The following UBE2F variants were observed in gnomAD, a reference collection of about 807,000 sequenced individuals.
The protein encoded by UBE2F is NEDD8-conjugating enzyme UBE2F.
Under a neutral mutation model 29.6 loss-of-function variants are expected in UBE2F, and 5 were observed. The observed-to-expected ratio is 0.17, with a 90% CI of 0.09 to 0.36. The LOEUF is 0.36. UBE2F is among the 10% of genes least tolerant of loss of function. The pLI, the probability that UBE2F is intolerant of heterozygous loss-of-function variation, is 1.00. For synonymous variants in UBE2F, 66 were observed against 81.8 expected, an observed-to-expected ratio of 0.81 and a Z score of 1.04; for missense variants, 141 against 228.5, an observed-to-expected ratio of 0.62 and a Z score of 2.47.
rs1469831130 is a variant in UBE2F at position 237,977,718 on chromosome 2, T to A, written c.118+4493T>A. Among the ~76,000 whole-genome samples, 3 of 152,006 alleles carry A rather than the reference T, an allele frequency of 2.0e-5. No homozygotes were observed. The East Asian group carries it at 5.8e-4, about 29-fold the overall frequency. On this transcript the variant is annotated intron_variant, in intron 2 of 9. Transcript: ENST00000272930. ...ACTTTGAGGGGTGATAAAGTGAGAA[T>A]CCTTTCCAGGTGAAATCCAAACTCC... is the stretch of plus-strand genomic sequence containing the variant.
chr2:238,037,959 G>A (rs553464859), intron 9 of UBE2F, among the ~76,000 whole-genome samples: 24 of 152,282 alleles, frequency 1.6e-4, no homozygotes, highest in African/African-American at 5.8e-4. Flanking sequence ...AATGTTTAGC[G>A]CCTTGGCTTC....
intron 4 of UBE2F, among the ~76,000 whole-genome samples, chr2:238,007,197 C>A (rs1487885244): frequency 1.3e-5 from 2 of 152,206 alleles, no homozygotes; most frequent in African/African-American, 2.4e-5. Context: ...TCTCAGCTCA[C>A]TGCATTCTCT....
intron 5 of UBE2F, among the ~76,000 whole-genome samples, chr2:238,016,957 T>C (rs996965875): frequency 6.6e-6 from 1 of 152,244 alleles, no homozygotes; most frequent in African/African-American, 2.4e-5. Context: ...GTTCATGATA[T>C]AACACCAAAA....
intron 3 of UBE2F, among the ~76,000 whole-genome samples, chr2:237,988,413 A>G: frequency 6.6e-6 from 1 of 150,392 alleles, no homozygotes; most frequent in Admixed American, 6.7e-5. Flanking sequence ...AGGCCACTGC[A>G]CTCCAACCTG....
chr2:238,038,024 G>T (rs2064755841), intron 9 of UBE2F, among the ~76,000 whole-genome samples: 1 of 152,334 alleles, frequency 6.6e-6, no homozygotes, highest in African/African-American at 2.4e-5. Flanking sequence ...CATTTGAAAT[G>T]TGCCCTGCCA....
Position 238,016,685 on chromosome 2 carries a change from G to A in UBE2F, c.282+52G>A, listed in dbSNP as rs1046753371. 12 of 1,539,834 alleles carry A rather than the reference G, an allele frequency of 7.8e-6. No individual in the cohort carries two copies. The African/African-American group carries it at 8.2e-5, about 11-fold the overall frequency. On this transcript the variant is annotated intron_variant, in intron 5 of 9. Coordinates refer to ENST00000272930, the MANE Select transcript of UBE2F (RefSeq NM_080678.3). ...TTTTACTTCTCGGGCGGGGCTGCCT[G>A]TGGCTGTGGCCCGCCACTGGCACAG...
chr2:238,001,477 A>G (rs2063792128), intron 4 of UBE2F, among the ~76,000 whole-genome samples: 3 of 152,132 alleles, frequency 2.0e-5, no homozygotes, highest in Admixed American at 2.0e-4. Context: ...CTAGATTATA[A>G]ATCTTATATA....
chr2:237,990,712 G>C (rs1396232220), intron 3 of UBE2F, among the ~76,000 whole-genome samples: 2 of 151,394 alleles, frequency 1.3e-5, no homozygotes, highest in African/African-American at 4.9e-5. Flanking sequence ...AGTGAGCCGA[G>C]ATAGCACCAG....
At position 237,970,895 on chromosome 2, in the gene UBE2F, T is replaced by G. The variant is rs552869381; in HGVS notation, c.-16-2197T>G. On this transcript the variant is annotated intron_variant, in intron 1 of 9. Coordinates refer to ENST00000272930, the MANE Select transcript of UBE2F (RefSeq NM_080678.3). ...AGCTAATTTTTTTTGGTATTTTTAGTGGAGATGGGGTTTTGCCATGTTGGG... is the reference window on the plus strand; with the variant it reads ...AGCTAATTTTTTTTGGTATTTTTAGGGGAGATGGGGTTTTGCCATGTTGGG... 9.9e-5 allele frequency among the ~76,000 whole-genome samples: 15 copies of G among 152,204 alleles called. No individual in the cohort carries two copies. In the East Asian group the frequency reaches 2.9e-3, roughly 29 times the overall value.
At chr2:238,036,149 GTGTT>G (rs1347730113) in intron 9 of UBE2F, among the ~76,000 whole-genome samples, 2 of 151,890 alleles carry the variant, frequency 1.3e-5, no homozygotes, top group African/African-American at 4.9e-5. Flanking sequence ...GAATTGGTGT[GTGTT>G]TGTTTTTTTG....
At chr2:238,013,812 A>G (rs2064094391) in intron 4 of UBE2F, among the ~76,000 whole-genome samples, 1 of 152,204 alleles carries the variant, frequency 6.6e-6, no homozygotes, top group South Asian at 2.1e-4. Flanking sequence ...GGCAGGGGCC[A>G]GGCTGGCTGA....
At chr2:238,031,802 T>A in intron 7 of UBE2F, among the ~76,000 whole-genome samples, 1 of 152,374 alleles carries the variant, frequency 6.6e-6, no homozygotes, top group South Asian at 2.1e-4. Flanking sequence ...AATTAACTTA[T>A]CTACGACCGC....
chr2:237,990,873 C>T (rs1417217690), intron 3 of UBE2F, among the ~76,000 whole-genome samples: 1 of 152,024 alleles, frequency 6.6e-6, no homozygotes, highest in Non-Finnish European at 1.5e-5. Context: ...ACCTTGGCCT[C>T]CTAAAGAGCT....
intron 2 of UBE2F, chr2:237,973,707 A>G: frequency 7.7e-7 from 1 of 1,298,558 alleles, no homozygotes; most frequent in Non-Finnish European, 1.0e-6. Context: ...TTAATAACAT[A>G]TAGTGTTCTA....
intron 4 of UBE2F, among the ~76,000 whole-genome samples, chr2:238,004,646 C>T (rs896142458): frequency 3.9e-5 from 6 of 151,936 alleles, no homozygotes; most frequent in African/African-American, 1.5e-4. Flanking sequence ...ATTCCTGGAA[C>T]CTGTTGAATG....
intron 9 of UBE2F, 63 bp downstream of exon 9, chr2:238,036,003 T>G (rs1437827095): frequency 7.8e-6 from 11 of 1,405,082 alleles, no homozygotes; most frequent in Non-Finnish European, 1.0e-5. Flanking sequence ...TACTACTGTC[T>G]CTTGATTGGA....
In UBE2F at chr2:238,041,297, C is replaced by G. The variant is rs774325426; in HGVS notation, c.517C>G (p.Arg173Gly). ...TGCTGTTACTCCACAGGAGGACTTC[C>G]GGAATAAAGTGGATGACTACATCAA... ...EHHLRDKEDF[R>G]NKVDDYIKRY... Residue 173 changes from arginine (R) to glycine (G), a missense_variant, in exon 10 of 10, where the codon CGG (arginine) becomes GGG (glycine). Arg to Gly is a moderately radical substitution (Grantham distance 125). Coordinates refer to ENST00000272930, the MANE Select transcript of UBE2F (RefSeq NM_080678.3). The G allele has an allele frequency of 4.3e-6, 7 of 1,613,902 alleles. No individual in the cohort carries two copies. In the Middle Eastern group the frequency reaches 6.6e-4, roughly 152 times the overall value.
intron 2 of UBE2F, among the ~76,000 whole-genome samples, chr2:237,983,419 C>G (rs1350959693): frequency 2.0e-5 from 3 of 152,228 alleles, no homozygotes; most frequent in African/African-American, 7.2e-5. Flanking sequence ...ACCTTTGGTG[C>G]CCATTCCATA....
chr2:237,998,783 T>C (rs551309292), intron 4 of UBE2F, among the ~76,000 whole-genome samples: 102 of 152,244 alleles, frequency 6.7e-4, no homozygotes, highest in African/African-American at 2.3e-3. Context: ...AAGTTTCCAT[T>C]GTTCTACACA....
Sources: allele counts gnomAD v4.1 joint callset (sites outside exome capture counted in the v4.1 genomes callset), GRCh38; gene constraint gnomAD v4.1.1; transcripts MANE v1.5; gene names NCBI Gene and HGNC (gene_info 2026-07-23, HGNC 2026-07-21).